The following COG7 variants were observed in gnomAD, a reference collection of about 807,000 sequenced individuals.
COG7 encodes conserved oligomeric Golgi complex subunit 7.
In COG7, 49 loss-of-function variants were observed where a neutral mutation model predicts 91.5. The ratio of observed to expected loss-of-function variants is 0.54; its 90% confidence interval spans 0.43 to 0.68. The LOEUF (loss-of-function observed/expected upper bound fraction) is 0.68. COG7 is among the 30% of genes least tolerant of loss of function. COG7 has a pLI of 0.00. For synonymous variants in COG7, 365 were observed against 388.7 expected (o/e 0.94, Z 0.72); for missense variants, 895 against 961.3 (o/e 0.93, Z 0.91).
chr16:23,427,493 A>T (rs1963867931), intron 6 of COG7, among the ~76,000 whole-genome samples: 2 of 152,070 alleles, frequency 1.3e-5, no homozygotes, highest in South Asian at 4.1e-4. Flanking sequence ...AAAAAAAACA[A>T]AAAACAGCTA....
rs1964290853 is a variant in COG7, at chr16:23,452,948, C to T, written c.47G>A (p.Trp16Ter). Residue 16 changes from tryptophan to a stop codon, truncating the protein, a stop_gained, in exon 1 of 17, where the codon TGG becomes TAG. Coordinates refer to ENST00000307149, the MANE Select transcript of COG7 (RefSeq NM_153603.4). LOFTEE classifies it high-confidence loss of function. ...FLADDFDVKE[W>*]INAAFRAGSK... ...GCCGGCCCTGAAGGCCGCATTGATC[C>T]ACTCCTTCACGTCGAAGTCGTCTGC... 7 of 1,614,092 alleles carry T rather than the reference C, an allele frequency of 4.3e-6. No homozygotes were observed. The East Asian group carries it at 1.1e-4, about 26-fold the overall frequency.
At chr16:23,407,652 C>T (rs1963483959) in intron 11 of COG7, among the ~76,000 whole-genome samples, 1 of 152,200 alleles carries the variant, frequency 6.6e-6, no homozygotes, top group South Asian at 2.1e-4. Flanking sequence ...TTCCCTCCAA[C>T]TGGACGGTGA....
intron 8 of COG7, 169 bp from the exon 9 acceptor site, chr16:23,417,290 G>A: frequency 1.4e-6 from 1 of 695,266 alleles, no homozygotes; most frequent in Non-Finnish European, 2.5e-6. Context: ...AGGGAGAACA[G>A]TCTAAGTCAT....
chr16:23,436,616 T>A (rs1000737201), intron 4 of COG7, among the ~76,000 whole-genome samples: 1 of 151,972 alleles, frequency 6.6e-6, no homozygotes, highest in African/African-American at 2.4e-5. Flanking sequence ...ATGCCTGTAA[T>A]CCCAGCTACT....
At chr16:23,427,061 C>A (rs1195104592) in intron 6 of COG7, among the ~76,000 whole-genome samples, 1 of 151,984 alleles carries the variant, frequency 6.6e-6, no homozygotes, top group Admixed American at 6.6e-5. Flanking sequence ...CCAGCCTGGG[C>A]AACAAAGTAA....
intron 6 of COG7, among the ~76,000 whole-genome samples, chr16:23,433,200 A>G (rs1963960292): frequency 6.6e-6 from 1 of 152,084 alleles, no homozygotes; most frequent in Admixed American, 6.6e-5. Context: ...AACCTCCTGG[A>G]CGTAAGCAAT....
At position 23,445,952 on chromosome 16, in the gene COG7, TG is replaced by T; in HGVS notation, c.178del (p.His60ThrfsTer17). 1 of 1,607,288 alleles carries T rather than the reference TG, an allele frequency of 6.2e-7. No individual in the cohort carries two copies. On this transcript the variant is annotated frameshift_variant, in exon 2 of 17. Transcript: ENST00000307149. LOFTEE classifies it high-confidence loss of function. ...TTTGGGCATGTTCTGGAGAGCTTGGTGACTTGTTTCTGTAGTTAAAAAAAAA... is the reference window on the plus strand; with the variant it reads ...TTTGGGCATGTTCTGGAGAGCTTGGTACTTGTTTCTGTAGTTAAAAAAAAA... ...EVNHAVEETS[H>X]QALQNMPKVL...
chr16:23,437,424 G>T (rs1964029072), intron 4 of COG7, among the ~76,000 whole-genome samples: 1 of 152,152 alleles, frequency 6.6e-6, no homozygotes, highest in African/African-American at 2.4e-5. Flanking sequence ...ACAAGAGAAT[G>T]TGAGGAACAA....
chr16:23,445,665 A>AG (rs2142096176), intron 2 of COG7, 148 bp downstream of exon 2: 1 of 830,208 alleles, frequency 1.2e-6, no homozygotes, highest in East Asian at 2.6e-5. Flanking sequence ...TCTCAAAAAA[A>AG]AAAGAGCATA....
At chr16:23,396,385 A>G (rs1452208718) in intron 14 of COG7, among the ~76,000 whole-genome samples, 1 of 152,186 alleles carries the variant, frequency 6.6e-6, no homozygotes, top group Non-Finnish European at 1.5e-5. Flanking sequence ...CTGCTCTAAA[A>G]TCAGATCATT....
At chr16:23,431,511 T>C (rs1359636170) in intron 6 of COG7, among the ~76,000 whole-genome samples, 6 of 152,120 alleles carry the variant, frequency 3.9e-5, no homozygotes, top group Admixed American at 6.6e-5. Flanking sequence ...CAAGAACACA[T>C]GAATAATTTT....
chr16:23,422,584 T>C (rs1963776459), intron 7 of COG7, among the ~76,000 whole-genome samples: 1 of 151,092 alleles, frequency 6.6e-6, no homozygotes, highest in Non-Finnish European at 1.5e-5. Context: ...TTGTGAACAA[T>C]GTATATTTAT....
chr16:23,445,906 G>A lies in COG7; in HGVS notation c.225C>T (p.Ala75=), dbSNP rs1445332175. 6.2e-7 allele frequency: 1 copy of A among 1,613,532 alleles called. No individual in the cohort carries two copies. Among genetic ancestry groups the A allele is most frequent in the Non-Finnish European group, 8.5e-7 (1 of 1,179,914 alleles). The change falls in exon 2 of 17, where the codon GCC becomes GCT. Residue 75 remains alanine (A), a synonymous_variant. Coordinates refer to ENST00000307149, the MANE Select transcript of COG7 (RefSeq NM_153603.4). ...TCAGGAAAGATGCCTCCTGTTTTAG[G>A]GCTTCAACATCACGGAGCACTTTGG... ...NMPKVLRDVE[A]LKQEASFLKE...
At chr16:23,402,506 C>G (rs1963394793) in intron 13 of COG7, among the ~76,000 whole-genome samples, 1 of 152,172 alleles carries the variant, frequency 6.6e-6, no homozygotes, top group Non-Finnish European at 1.5e-5. Context: ...GTGGCCAGTG[C>G]TATGCTAAAT....
At chr16:23,419,382 G>C (rs1182851947) in intron 7 of COG7, among the ~76,000 whole-genome samples, 1 of 146,992 alleles carries the variant, frequency 6.8e-6, no homozygotes, top group Non-Finnish European at 1.5e-5. Flanking sequence ...TTGCATTCCA[G>C]CCTGGGCAAC....
intron 16 of COG7, chr16:23,392,045 C>A: frequency 8.1e-7 from 1 of 1,237,650 alleles, no homozygotes; most frequent in Non-Finnish European, 1.0e-6. Flanking sequence ...GCAGTAAGAG[C>A]TCATTAAACA....
At chr16:23,401,578 A>C (rs1208019759) in intron 13 of COG7, among the ~76,000 whole-genome samples, 1 of 152,212 alleles carries the variant, frequency 6.6e-6, no homozygotes, top group Non-Finnish European at 1.5e-5. Flanking sequence ...GAGGGAGGGG[A>C]CAGGAGAGAG....
chr16:23,410,505 C>G, intron 10 of COG7, 145 bp from the exon 11 acceptor site: 2 of 730,454 alleles, frequency 2.7e-6, no homozygotes, highest in South Asian at 3.0e-5. Context: ...ATCTGCTGGC[C>G]TGAAATGTTT....
At position 23,394,510 on chromosome 16, in the gene COG7, G is replaced by GT. The variant is rs972727693; in HGVS notation, c.1888-1164dup. Among the ~76,000 whole-genome samples the GT allele has an allele frequency of 3.3e-3, 489 of 148,292 alleles. 4 individuals are homozygous for GT. The highest frequency in any genetic ancestry group is 6.6e-3 in the African/African-American group (266 of 40,592). The stretch of plus-strand genomic sequence containing the variant: ...TTAAAAGGTCTTTCTGCCTGTTGTT[G>GT]TTTTTTTTTTCTTCCTGCTACATAT... On this transcript the variant is annotated intron_variant, in intron 14 of 16. Coordinates refer to ENST00000307149, the MANE Select transcript of COG7 (RefSeq NM_153603.4).
Sources: allele counts gnomAD v4.1 joint callset (sites outside exome capture counted in the v4.1 genomes callset), GRCh38; gene constraint gnomAD v4.1.1; transcripts MANE v1.5; gene names NCBI Gene and HGNC (gene_info 2026-07-23, HGNC 2026-07-21).